The following SLC19A1 variants were observed in gnomAD, a reference collection of about 807,000 sequenced individuals.
SLC19A1 encodes solute carrier family 19 member 1.
SLC19A1 carries 37 observed loss-of-function variants against 35.3 expected under a neutral mutation model. That is an observed-to-expected ratio of 1.05 (90% CI 0.81 to 1.38). SLC19A1 has a LOEUF of 1.38. SLC19A1 is among the 40% of genes most tolerant of loss of function. The pLI is 0.00. For synonymous variants in SLC19A1, 460 were observed against 398.5 expected (o/e 1.15, Z -1.84); for missense variants, 831 against 826.9 (o/e 1.00, Z -0.06).
upstream of SLC19A1, among the ~76,000 whole-genome samples, chr21:45,542,910 C>T (rs992072097): frequency 2.0e-5 from 3 of 152,152 alleles, no homozygotes; most frequent in Non-Finnish European, 4.4e-5. Flanking sequence ...GGGTCGGGCC[C>T]ACGCGCCCTC....
chr21:45,517,123 A>C lies in SLC19A1; in HGVS notation c.1294-983T>G, dbSNP rs938292680. ...GGGGAGCTGTGCCACGCAAGGACAG[A>C]CTGTGCCACGCAGAGCTCCCTGGGG... On this transcript the variant is annotated intron_variant, in intron 5 of 5. Transcript: ENST00000311124. The surrounding 1 kb of genome is among the most constrained non-coding windows in gnomAD (Gnocchi z 4.4). Among the ~76,000 whole-genome samples the C allele has an allele frequency of 5.3e-5, 8 of 152,140 alleles. No homozygotes were observed. Among genetic ancestry groups the C allele is most frequent in the Non-Finnish European group, 7.4e-5 (5 of 68,004 alleles).
At chr21:45,558,956 A>ATC (rs1668224861) in intron 1 of SLC19A1, among the ~76,000 whole-genome samples, 1 of 151,732 alleles carries the variant, frequency 6.6e-6, no homozygotes, top group Non-Finnish European at 1.5e-5. Context: ...TTACAGGTGC[A>ATC]CACCACCACG....
rs916481361 is a variant in SLC19A1, at chr21:45,552,904, C to A, written c.-50+9838G>T. Among the ~76,000 whole-genome samples, 2 of 152,152 alleles carry A rather than the reference C, an allele frequency of 1.3e-5. 1 individual carries two copies. The highest frequency in any genetic ancestry group is 4.2e-4 in the South Asian group (2 of 4,818). The stretch of plus-strand genomic sequence containing the variant: ...CTATAATCCACGGTCACCAGCAGAG[C>A]AGACGGCCTCTCGCCCAGAACAGGG... On this transcript the variant is annotated intron_variant, in intron 1 of 5. Transcript: ENST00000650808.
At chr21:45,507,327 CAGGGCCGGGTGCTGGGCAGGG>C (rs932300432) in intron 3 of SLC19A1, 14 of 377,208 alleles carry the variant, frequency 3.7e-5, no homozygotes, top group Middle Eastern at 1.3e-3. Flanking sequence ...TGTGGGCTGG[CAGGGCCGGGTGCTGGGCAGGG>C]AGGGCACCCT....
chr21:45,510,868 G>A (rs902361062), downstream of SLC19A1, among the ~76,000 whole-genome samples: 4 of 152,092 alleles, frequency 2.6e-5, no homozygotes, highest in African/African-American at 9.7e-5. Flanking sequence ...TGCCTGGCCA[G>A]GCCTGGCTCC....
chr21:45,556,418 C>A (rs1361748667), intron 1 of SLC19A1, among the ~76,000 whole-genome samples: 1 of 152,266 alleles, frequency 6.6e-6, no homozygotes, highest in African/African-American at 2.4e-5. Flanking sequence ...CTGCTCCCCA[C>A]CAGCGCCCGG....
chr21:45,548,283 G>C (rs1484584121), upstream of SLC19A1, among the ~76,000 whole-genome samples: 1 of 152,182 alleles, frequency 6.6e-6, no homozygotes, highest in African/African-American at 2.4e-5. Context: ...CAAACTAAAA[G>C]CTAACCCTGT....
intron 5 of SLC19A1, 36 bp from the exon 6 acceptor site, chr21:45,516,176 G>T (rs1433739158): frequency 6.5e-7 from 1 of 1,542,836 alleles, no homozygotes; most frequent in Non-Finnish European, 8.9e-7. Context: ...GGTGGGGAGG[G>T]CCTGGCTGGG....
At chr21:45,555,362 T>G (rs1199275417) in intron 1 of SLC19A1, among the ~76,000 whole-genome samples, 10 of 9,188 alleles carry the variant, frequency 1.1e-3, no homozygotes, top group Admixed American at 2.8e-3. Context: ...CAGGTGGGGG[T>G]GGGGGTTGCA....
At chr21:45,541,421 C>A (rs1426807784) in intron 1 of SLC19A1, among the ~76,000 whole-genome samples, 1 of 152,242 alleles carries the variant, frequency 6.6e-6, no homozygotes, top group Non-Finnish European at 1.5e-5. Context: ...CTTTACAGGG[C>A]GGCCAACAGG....
chr21:45,521,988 G>A (rs2077452509), intron 5 of SLC19A1, among the ~76,000 whole-genome samples: 1 of 151,990 alleles, frequency 6.6e-6, no homozygotes, highest in Non-Finnish European at 1.5e-5. Context: ...GAGCTCATGG[G>A]AGTTAAAAAA....
At chr21:45,516,430 G>A (rs940660837) in intron 5 of SLC19A1, among the ~76,000 whole-genome samples, 9 of 152,206 alleles carry the variant, frequency 5.9e-5, no homozygotes, top group East Asian at 5.8e-4. Context: ...GTCTGCTCCC[G>A]AGTCCCCTGC....
chr21:45,547,891 C>T (rs1003411962), upstream of SLC19A1, among the ~76,000 whole-genome samples: 2 of 152,164 alleles, frequency 1.3e-5, no homozygotes, highest in African/African-American at 4.8e-5. Context: ...TTGGAAGGCT[C>T]ATTATTAAGG....
intron 2 of SLC19A1, among the ~76,000 whole-genome samples, chr21:45,537,045 A>G (rs953132355): frequency 2.0e-5 from 3 of 152,220 alleles, no homozygotes; most frequent in Non-Finnish European, 4.4e-5. Context: ...TGGCTGAGTA[A>G]AATGAAAATT....
chr21:45,546,700 T>C (rs549861793), upstream of SLC19A1, among the ~76,000 whole-genome samples: 2 of 152,266 alleles, frequency 1.3e-5, no homozygotes, highest in African/African-American at 4.8e-5. Context: ...AAATAACCAG[T>C]GGAAATCTGG....
At position 45,530,623 on chromosome 21, in the gene SLC19A1, G is replaced by T; in HGVS notation, c.1151+147C>A. 1 of 771,636 alleles carries T rather than the reference G, an allele frequency of 1.3e-6. No homozygotes were observed. Among genetic ancestry groups the T allele is most frequent in the Non-Finnish European group, 2.0e-6 (1 of 493,814 alleles). The allele number at this position is 771,636 out of a possible 1,614,324, so 47.8% of individuals were successfully genotyped here. On this transcript the variant is annotated intron_variant, in intron 4 of 5. Transcript: ENST00000311124. The surrounding 1 kb of genome is among the most constrained non-coding windows in gnomAD (Gnocchi z 5.3). Reference sequence around the variant, plus strand: ...CCCGAGGTCCCAGGGAGAGGCAAGTGGGGACCCTGGTCAGCTCCAGGTGGC... The same window carrying T: ...CCCGAGGTCCCAGGGAGAGGCAAGTTGGGACCCTGGTCAGCTCCAGGTGGC...
At chr21:45,553,088 G>T (rs998376280) in intron 1 of SLC19A1, among the ~76,000 whole-genome samples, 3 of 152,138 alleles carry the variant, frequency 2.0e-5, no homozygotes, top group Non-Finnish European at 4.4e-5. Flanking sequence ...CAGGCTCAGG[G>T]CTGGGGCAGG....
chr21:45,527,922 T>A (rs2077703219), intron 4 of SLC19A1, among the ~76,000 whole-genome samples: 1 of 142,600 alleles, frequency 7.0e-6, no homozygotes, highest in Non-Finnish European at 1.5e-5. Context: ...CAGTTCCAAT[T>A]AAAATCTGCA....
At chr21:45,555,446 A>C (rs1035599255) in intron 1 of SLC19A1, among the ~76,000 whole-genome samples, 2 of 64,628 alleles carry the variant, frequency 3.1e-5, no homozygotes, top group Non-Finnish European at 5.8e-5. Context: ...TGGGGGCGGG[A>C]GGGGGATGGG....
Sources: gnomAD v4.1 joint callset for allele counts (sites outside exome capture counted in the v4.1 genomes callset) on GRCh38, gnomAD v4.1.1 for gene constraint, Gnocchi (gnomAD v3.1) non-coding constraint, MANE v1.5 for transcripts, NCBI Gene and HGNC (gene_info 2026-07-23, HGNC 2026-07-21) for gene names.